The following SLC10A7 variants were observed in gnomAD, a reference collection of about 807,000 sequenced individuals.
The protein encoded by SLC10A7 is solute carrier family 10 member 7.
A neutral mutation model predicts 43.2 loss-of-function variants in SLC10A7; 29 were observed. The observed-to-expected ratio is 0.67, with a 90% CI of 0.50 to 0.92. The LOEUF is 0.92. Among genes scored for constraint, SLC10A7 ranks in the 40% least tolerant of loss-of-function variants. The probability of loss-of-function intolerance (pLI) is 0.00; values close to 1 mark genes in which losing one functional copy is unlikely to be tolerated. For missense variants in SLC10A7, 295 were observed against 403.2 expected, an observed-to-expected ratio of 0.73 and a Z score of 2.30; for synonymous variants, 152 against 144.8, an observed-to-expected ratio of 1.05 and a Z score of -0.35.
chr4:146,497,045 G>A (rs949849427), intron 4 of SLC10A7, among the ~76,000 whole-genome samples: 10 of 152,116 alleles, frequency 6.6e-5, no homozygotes, highest in African/African-American at 1.4e-4. Flanking sequence ...TTATAGCTAC[G>A]ATAGGTTTCA....
intron 6 of SLC10A7, among the ~76,000 whole-genome samples, chr4:146,309,010 C>T (rs2149685548): frequency 6.6e-6 from 1 of 152,246 alleles, no homozygotes; most frequent in African/African-American, 2.4e-5. Flanking sequence ...TTGTGTCAAG[C>T]TGCTGCTTTT....
At chr4:146,490,227 G>A (rs1735269735) in intron 4 of SLC10A7, among the ~76,000 whole-genome samples, 1 of 152,016 alleles carries the variant, frequency 6.6e-6, no homozygotes, top group African/African-American at 2.4e-5. Context: ...ATAATAATTA[G>A]GGAACTAGAA....
At chr4:146,480,846 C>CA (rs200401175) in intron 4 of SLC10A7, among the ~76,000 whole-genome samples, 117 of 149,508 alleles carry the variant, frequency 7.8e-4, no homozygotes, top group Admixed American at 2.5e-3. Context: ...TCTCTCCCAC[C>CA]AAAAAAAAAC....
At chr4:146,465,192 C>A (rs1732904756) in intron 4 of SLC10A7, among the ~76,000 whole-genome samples, 1 of 152,124 alleles carries the variant, frequency 6.6e-6, no homozygotes, top group African/African-American at 2.4e-5. Context: ...ACATCATACT[C>A]ATGGTGTGAC....
intron 9 of SLC10A7, among the ~76,000 whole-genome samples, chr4:146,285,442 C>T (rs1399028239): frequency 2.0e-5 from 3 of 152,176 alleles, no homozygotes; most frequent in African/African-American, 2.4e-5. Context: ...GGAGCAAACA[C>T]ACCTGATTTT....
chr4:146,335,621 T>C (rs1194598525), intron 5 of SLC10A7, among the ~76,000 whole-genome samples: 3 of 152,030 alleles, frequency 2.0e-5, no homozygotes, highest in Non-Finnish European at 4.4e-5. Flanking sequence ...CCAGTTGATA[T>C]TGGTCATCTA....
At chr4:146,481,725 C>A (rs371798164) in intron 4 of SLC10A7, among the ~76,000 whole-genome samples, 2 of 152,260 alleles carry the variant, frequency 1.3e-5, no homozygotes, top group East Asian at 1.9e-4. Context: ...TCCAATCATG[C>A]CTTGGAGAGT....
At chr4:146,396,197 T>C (rs1738812156) in intron 5 of SLC10A7, among the ~76,000 whole-genome samples, 1 of 152,162 alleles carries the variant, frequency 6.6e-6, no homozygotes, top group Non-Finnish European at 1.5e-5. Flanking sequence ...TTGGTTCAAG[T>C]CTTTGACTAC....
chr4:146,356,044 A>T (rs1222326402), intron 5 of SLC10A7, among the ~76,000 whole-genome samples: 2 of 115,562 alleles, frequency 1.7e-5, no homozygotes, highest in East Asian at 2.4e-4. Flanking sequence ...TATAATAAAA[A>T]AAAAAAAATA....
chr4:146,340,614 A>G (rs985256930), intron 5 of SLC10A7, among the ~76,000 whole-genome samples: 3 of 151,794 alleles, frequency 2.0e-5, no homozygotes, highest in Middle Eastern at 3.2e-3. Flanking sequence ...GAATTATTAA[A>G]AACAGTACTG....
intron 5 of SLC10A7, among the ~76,000 whole-genome samples, chr4:146,343,693 C>T (rs1225200479): frequency 6.6e-6 from 1 of 151,932 alleles, no homozygotes; most frequent in East Asian, 1.9e-4. Context: ...TCCCTGCAGG[C>T]ACTTTCATGA....
chr4:146,280,721 C>A (rs1037597368), intron 10 of SLC10A7, among the ~76,000 whole-genome samples: 27 of 151,996 alleles, frequency 1.8e-4, no homozygotes, highest in African/African-American at 6.3e-4. Flanking sequence ...TCTAAACATC[C>A]CTTGCTGTAT....
At chr4:146,372,210 C>T (rs891781483) in intron 5 of SLC10A7, among the ~76,000 whole-genome samples, 1 of 151,932 alleles carries the variant, frequency 6.6e-6, no homozygotes, top group Admixed American at 6.6e-5. Flanking sequence ...TTCTAGCACT[C>T]TGGGAGGCTG....
At chr4:146,400,767 G>A (rs1294119579) in intron 5 of SLC10A7, among the ~76,000 whole-genome samples, 1 of 152,016 alleles carries the variant, frequency 6.6e-6, no homozygotes, top group East Asian at 1.9e-4. Flanking sequence ...TGACAGACGT[G>A]AATGAATAGT....
chr4:146,452,548 G>C (rs1731685415), intron 4 of SLC10A7, among the ~76,000 whole-genome samples: 1 of 151,962 alleles, frequency 6.6e-6, no homozygotes, highest in Non-Finnish European at 1.5e-5. Flanking sequence ...TTCTTTCAAA[G>C]CCAATTATGA....
intron 6 of SLC10A7, among the ~76,000 whole-genome samples, chr4:146,307,285 A>G (rs939017127): frequency 2.0e-5 from 3 of 152,172 alleles, no homozygotes; most frequent in African/African-American, 7.2e-5. Context: ...CTGGCTGTCT[A>G]TTTAACCCAT....
intron 5 of SLC10A7, among the ~76,000 whole-genome samples, chr4:146,409,428 T>TA (rs1316806600): frequency 6.7e-6 from 1 of 148,748 alleles, no homozygotes; most frequent in African/African-American, 2.5e-5. Context: ...ACTAAAGGGA[T>TA]AAAAAAACAG....
intron 5 of SLC10A7, among the ~76,000 whole-genome samples, chr4:146,428,447 C>T (rs1264987369): frequency 1.3e-5 from 2 of 152,128 alleles, no homozygotes; most frequent in African/African-American, 2.4e-5. Flanking sequence ...GTGCAGAGGG[C>T]TGTAACATGA....
chr4:146,352,560 C>G lies in SLC10A7; in HGVS notation c.436-26564G>C, dbSNP rs1389629081. Reference sequence around the variant, plus strand: ...CCTCATAGACATCTACAGAACTCTCCACCCCAAATCAACAGAATATACATT... The same window carrying G: ...CCTCATAGACATCTACAGAACTCTCGACCCCAAATCAACAGAATATACATT... On this transcript the variant is annotated intron_variant, in intron 5 of 11. Transcript: ENST00000335472. 2.0e-5 allele frequency among the ~76,000 whole-genome samples: 3 copies of G among 151,042 alleles called. No individual in the cohort carries two copies. The East Asian group carries it at 5.8e-4, about 29-fold the overall frequency.
Sources: allele counts gnomAD v4.1 joint callset (sites outside exome capture counted in the v4.1 genomes callset), GRCh38; gene constraint gnomAD v4.1.1; transcripts MANE v1.5; gene names NCBI Gene and HGNC (gene_info 2026-07-23, HGNC 2026-07-21).